Variants in KCNH5 observed in about 807,000 individuals in gnomAD.
KCNH5 encodes the protein voltage-gated delayed rectifier potassium channel KCNH5.
In KCNH5, 46 loss-of-function variants were observed where a neutral mutation model predicts 96.1. The observed-to-expected ratio is 0.48, with a 90% CI of 0.38 to 0.61. KCNH5 has a LOEUF of 0.61. Ranked by LOEUF, KCNH5 falls within the 20% of genes least tolerant of loss-of-function variation. KCNH5 has a pLI of 0.00. For synonymous variants in KCNH5, 439 were observed against 449.8 expected, an observed-to-expected ratio of 0.98 and a Z score of 0.30; for missense variants, 907 against 1,225.8, an observed-to-expected ratio of 0.74 and a Z score of 3.88.
At chr14:62,909,838 A>C (rs1189631748) in intron 7 of KCNH5, among the ~76,000 whole-genome samples, 1 of 151,810 alleles carries the variant, frequency 6.6e-6, no homozygotes, top group African/African-American at 2.4e-5. Context: ...AAACCCCCCA[A>C]ACACACTCTG....
intron 3 of KCNH5, among the ~76,000 whole-genome samples, chr14:63,003,449 A>T (rs1891049045): frequency 7.4e-6 from 1 of 134,624 alleles, no homozygotes; most frequent in Non-Finnish European, 1.5e-5. Flanking sequence ...ATATATATAT[A>T]TTATATATAT....
At chr14:62,768,175 A>G (rs1410859833) in intron 10 of KCNH5, among the ~76,000 whole-genome samples, 1 of 152,042 alleles carries the variant, frequency 6.6e-6, no homozygotes. Flanking sequence ...ATACTCATAT[A>G]ACAAAACTGC....
chr14:63,044,607 C>G (rs1179053773), intron 1 of KCNH5, among the ~76,000 whole-genome samples: 1 of 152,218 alleles, frequency 6.6e-6, no homozygotes, highest in East Asian at 1.9e-4. Context: ...CAACTACTCT[C>G]CCCGGCACAA....
At chr14:63,017,399 G>A (rs1273416615) in intron 1 of KCNH5, among the ~76,000 whole-genome samples, 2 of 151,750 alleles carry the variant, frequency 1.3e-5, no homozygotes, top group South Asian at 2.1e-4. Flanking sequence ...TTAATATATT[G>A]CTGACATGAT....
intron 10 of KCNH5, among the ~76,000 whole-genome samples, chr14:62,767,271 G>A (rs1020586124): frequency 1.3e-5 from 2 of 152,086 alleles, no homozygotes; most frequent in African/African-American, 4.8e-5. Context: ...TTGGAGATCT[G>A]TCAAAAAACT....
intron 3 of KCNH5, among the ~76,000 whole-genome samples, chr14:63,001,846 C>T (rs1383150298): frequency 1.3e-5 from 2 of 152,202 alleles, no homozygotes; most frequent in African/African-American, 2.4e-5. Flanking sequence ...ATCACTCCTA[C>T]CTGCTTCTCT....
chr14:62,826,751 G>C (rs1361659945), intron 8 of KCNH5, among the ~76,000 whole-genome samples: 1 of 151,618 alleles, frequency 6.6e-6, no homozygotes, highest in Non-Finnish European at 1.5e-5. Flanking sequence ...TATTCATGTG[G>C]TTATCTCTTT....
intron 8 of KCNH5, among the ~76,000 whole-genome samples, chr14:62,815,510 A>C (rs1886960312): frequency 6.6e-6 from 1 of 152,182 alleles, no homozygotes; most frequent in Non-Finnish European, 1.5e-5. Context: ...CACACACACA[A>C]AAAATGGATA....
intron 7 of KCNH5, among the ~76,000 whole-genome samples, chr14:62,881,339 T>A (rs1888487431): frequency 6.6e-6 from 1 of 152,230 alleles, no homozygotes; most frequent in South Asian, 2.1e-4. Flanking sequence ...ACTTCTTTTT[T>A]TTTTTAGTAA....
At chr14:62,893,623 G>A (rs1426613386) in intron 7 of KCNH5, among the ~76,000 whole-genome samples, 2 of 152,132 alleles carry the variant, frequency 1.3e-5, no homozygotes, top group African/African-American at 4.8e-5. Context: ...GGGCATGGTG[G>A]TGTGTGCCTG....
intron 10 of KCNH5, among the ~76,000 whole-genome samples, chr14:62,722,738 A>G (rs1884841551): frequency 6.6e-6 from 1 of 152,186 alleles, no homozygotes; most frequent in Admixed American, 6.5e-5. Flanking sequence ...ACACTTTATA[A>G]AGCTCTTCCA....
chr14:62,922,492 A>T (rs1221506671), intron 7 of KCNH5, among the ~76,000 whole-genome samples: 1 of 152,028 alleles, frequency 6.6e-6, no homozygotes, highest in Non-Finnish European at 1.5e-5. Flanking sequence ...CATTTTCAAC[A>T]TGTTAAGTGT....
At chr14:62,774,874 A>G (rs1367151052) in intron 10 of KCNH5, among the ~76,000 whole-genome samples, 1 of 152,132 alleles carries the variant, frequency 6.6e-6, no homozygotes, top group African/African-American at 2.4e-5. Flanking sequence ...CACACATGGG[A>G]TCTTAATCTC....
chr14:63,017,857 T>A (rs1340605771), intron 1 of KCNH5, among the ~76,000 whole-genome samples: 1 of 151,886 alleles, frequency 6.6e-6, no homozygotes, highest in Non-Finnish European at 1.5e-5. Context: ...ATATAACAAA[T>A]TTTTTAGAAG....
intron 8 of KCNH5, among the ~76,000 whole-genome samples, chr14:62,836,399 G>T (rs112002919): frequency 1.3e-5 from 2 of 151,954 alleles, no homozygotes; most frequent in Non-Finnish European, 2.9e-5. Flanking sequence ...TACCAATTCA[G>T]TTCAGTAAAA....
chr14:62,993,511 A>G (rs1890851772), intron 4 of KCNH5, among the ~76,000 whole-genome samples: 1 of 152,006 alleles, frequency 6.6e-6, no homozygotes, highest in Non-Finnish European at 1.5e-5. Context: ...ATCATCTCAG[A>G]GAATTGATCA....
chr14:62,807,663 C>G (rs1482555977), intron 8 of KCNH5, among the ~76,000 whole-genome samples: 2 of 151,976 alleles, frequency 1.3e-5, no homozygotes, highest in Non-Finnish European at 2.9e-5. Flanking sequence ...GCCATGCCCC[C>G]TAGCTATACA....
chr14:62,711,509 T>C (rs1279821901), intron 10 of KCNH5, among the ~76,000 whole-genome samples: 4 of 152,110 alleles, frequency 2.6e-5, no homozygotes, highest in Non-Finnish European at 2.9e-5. Flanking sequence ...GCCCGGGAGA[T>C]AGGAAGTTAA....
chr14:62,996,442 G>T (rs1268421875), intron 4 of KCNH5, among the ~76,000 whole-genome samples: 2 of 151,830 alleles, frequency 1.3e-5, no homozygotes, highest in African/African-American at 4.8e-5. Context: ...TTCACAATGG[G>T]GTCTGATTTT....
Sources: gnomAD v4.1 joint callset for allele counts (sites outside exome capture counted in the v4.1 genomes callset) on GRCh38, gnomAD v4.1.1 for gene constraint, MANE v1.5 for transcripts, NCBI Gene and HGNC (gene_info 2026-07-23, HGNC 2026-07-21) for gene names.